The following CACNA1H variants were observed in gnomAD, a reference collection of about 807,000 sequenced individuals.
CACNA1H encodes calcium voltage-gated channel subunit alpha1 H, also known as voltage-dependent T-type calcium channel subunit alpha-1H.
Under a neutral mutation model 192.5 loss-of-function variants are expected in CACNA1H, and 149 were observed. The observed-to-expected ratio is 0.77, with a 90% CI of 0.68 to 0.89. The LOEUF is 0.89. Among genes scored for constraint, CACNA1H ranks in the 40% least tolerant of loss-of-function variants. CACNA1H has a pLI of 0.00. For synonymous variants in CACNA1H, 2,202 were observed against 1,475.2 expected (o/e 1.49, Z -11.29); for missense variants, 4,257 against 3,423.5 (o/e 1.24, Z -6.08).
intron 26 of CACNA1H, 63 bp from the exon 27 acceptor site, chr16:1,213,717 C>G: frequency 7.5e-7 from 1 of 1,338,682 alleles, no homozygotes; most frequent in South Asian, 1.5e-5. Flanking sequence ...AGAATGGAGT[C>G]TGCAGGAGCC....
intron 2 of CACNA1H, among the ~76,000 whole-genome samples, chr16:1,166,392 G>A (rs1298559613): frequency 6.6e-6 from 1 of 152,212 alleles, no homozygotes; most frequent in East Asian, 1.9e-4. Context: ...GCCCTGCAGA[G>A]GAGGCCGCGC....
At chr16:1,200,603 G>C (rs1457359331) in intron 7 of CACNA1H, 32 bp downstream of exon 7, 1 of 1,608,742 alleles carries the variant, frequency 6.2e-7, no homozygotes, top group Admixed American at 1.7e-5. Context: ...CGGGGACCCT[G>C]GGGCACGGCA....
rs8044363 is a variant in CACNA1H at position 1,200,559 on chromosome 16, T to G, written c.1107T>G (p.Ile369Met). ...TCGACAACATCGGCTACGCCTGGATTGCCATCTTCCAGGTGGGCGGCAAGA... is the reference window on the plus strand; with the variant it reads ...TCGACAACATCGGCTACGCCTGGATGGCCATCTTCCAGGTGGGCGGCAAGA... ...INFDNIGYAWIAIFQVITLEG... is the reference protein window; with the variant it reads ...INFDNIGYAWMAIFQVITLEG... The change falls in exon 7 of 35, where the codon ATT (isoleucine) becomes ATG (methionine). Residue 369 changes from isoleucine to methionine, a missense_variant. By Grantham distance (10) the Ile-to-Met change is conservative (BLOSUM62 1). Transcript: ENST00000348261. The G allele has an allele frequency of 6.2e-7, 1 of 1,611,562 alleles. No homozygotes were observed.
Position 1,221,185 on chromosome 16 carries a change from C to A in CACNA1H, c.*191C>A. ...GGAGTAGCTGCCGGGCCCCACGAGC[C>A]TCCGTCCGTTCTGGTTCGGGTTTCT... is the stretch of plus-strand genomic sequence containing the variant. On this transcript the variant is annotated 3_prime_UTR_variant, in exon 35 of 35. Coordinates refer to ENST00000348261, the MANE Select transcript of CACNA1H (RefSeq NM_021098.3). 1.8e-6 allele frequency: 1 copy of A among 547,644 alleles called. No homozygotes were observed. Among genetic ancestry groups the A allele is most frequent in the African/African-American group, 1.9e-5 (1 of 53,212 alleles). 33.9% of individuals were successfully genotyped at this position (547,644 alleles called of 1,614,324 possible).
In CACNA1H at chr16:1,210,313, T is replaced by C. The variant is rs1969275399; in HGVS notation, c.3846-57T>C. ...GGCCAGGGCTGTCCTGCAACCCCCA[T>C]CCACTCTGCCATCCACGCCGCCCCG... On this transcript the variant is annotated intron_variant, in intron 18 of 34. Coordinates refer to ENST00000348261, the MANE Select transcript of CACNA1H (RefSeq NM_021098.3). 9.0e-6 allele frequency: 13 copies of C among 1,445,546 alleles called. 1 individual carries two copies. In the South Asian group the frequency reaches 1.5e-4, roughly 16 times the overall value. 89.5% of individuals were successfully genotyped at this position (1,445,546 alleles called of 1,614,324 possible). A position where few individuals can be genotyped will look rare whatever the true frequency, so the allele number is the denominator to read the frequency against.
At chr16:1,204,570 G>A in intron 10 of CACNA1H, 112 bp downstream of exon 10, 1 of 840,678 alleles carries the variant, frequency 1.2e-6, no homozygotes, top group Non-Finnish European at 1.8e-6. Context: ...GGACGGTCAG[G>A]CAGGGCTCTA....
intron 2 of CACNA1H, among the ~76,000 whole-genome samples, chr16:1,166,029 G>T (rs868328283): frequency 6.6e-6 from 1 of 152,228 alleles, no homozygotes; most frequent in Non-Finnish European, 1.5e-5. Flanking sequence ...TGTTGGCACC[G>T]TAGGGGGACA....
chr16:1,176,523 A>C (rs112669641), intron 2 of CACNA1H, among the ~76,000 whole-genome samples: 1 of 152,186 alleles, frequency 6.6e-6, no homozygotes, highest in Non-Finnish European at 1.5e-5. Context: ...TGGGGCCAGT[A>C]CTTCCCCCCA....
Position 1,207,114 on chromosome 16 carries a change from T to C in CACNA1H, c.2903T>C (p.Phe968Ser). 6.3e-7 allele frequency: 1 copy of C among 1,587,854 alleles called. No individual in the cohort carries two copies. Among genetic ancestry groups the C allele is most frequent in the Non-Finnish European group, 8.6e-7 (1 of 1,166,760 alleles). The change falls in exon 13 of 35, where the codon TTC becomes TCC. Residue 968 changes from phenylalanine to serine, a missense_variant. Physicochemically the swap from Phe to Ser is radical, Grantham distance 155. Transcript: ENST00000348261. ...CTGCTGTGGGCCATCGTCACCGTGT[T>C]CCAGGTAGTGCCCGGGGTCCCCGCA... Reference protein sequence around the residue: ...DSLLWAIVTVFQILTQEDWNV... With the variant: ...DSLLWAIVTVSQILTQEDWNV...
In CACNA1H at chr16:1,211,553, G is replaced by A; in HGVS notation, c.4423G>A (p.Ala1475Thr). 6.2e-7 allele frequency: 1 copy of A among 1,612,164 alleles called. No individual in the cohort carries two copies. Among genetic ancestry groups the A allele is most frequent in the South Asian group, 1.1e-5 (1 of 91,030 alleles). The stretch of plus-strand genomic sequence containing the variant: ...CATCTCCACCAAGGCACAGTGCCGG[G>A]CCGCCCACTACCGCTGGGTGCGACG... ...RNISTKAQCR[A>T]AHYRWVRRKY... The change falls in exon 23 of 35, where the codon GCC (alanine) becomes ACC (threonine). Residue 1475 changes from alanine to threonine, a missense_variant. Transcript: ENST00000348261.
chr16:1,191,093 T>C (rs28495878), intron 2 of CACNA1H, among the ~76,000 whole-genome samples: 60 of 51,508 alleles, frequency 1.2e-3, no homozygotes, highest in African/African-American at 3.6e-3. Flanking sequence ...TCTCTCTGAC[T>C]CAGCAGGCTG....
At position 1,220,159 on chromosome 16, in the gene CACNA1H, AGCGCT is replaced by A; in HGVS notation, c.6231_6235del (p.Cys2078LeufsTer95). 6.6e-7 allele frequency: 1 copy of A among 1,523,806 alleles called. No individual in the cohort carries two copies. The highest frequency in any genetic ancestry group is 8.8e-7 in the Non-Finnish European group (1 of 1,137,370). The allele number at this position is 1,523,806 out of a possible 1,614,324, so 94.4% of individuals were successfully genotyped here. A position where few individuals can be genotyped will look rare whatever the true frequency, so the allele number is the denominator to read the frequency against. On this transcript the variant is annotated frameshift_variant, in exon 35 of 35. Transcript: ENST00000348261. LOFTEE classifies it low-confidence loss of function (END_TRUNC). ...CGCACTCGTAAGCATACCTTCGGACAGCGCTGCGTCTCCAGCCGGCCGGCGGCCCC... is the reference window on the plus strand; with the variant it reads ...CGCACTCGTAAGCATACCTTCGGACAGCGTCTCCAGCCGGCCGGCGGCCCC...
rs550564789 is a variant in CACNA1H, at chr16:1,207,890, C to G, written c.3154+30C>G. 3 of 1,561,972 alleles carry G rather than the reference C, an allele frequency of 1.9e-6. No homozygotes were observed. In the South Asian group the frequency reaches 3.5e-5, roughly 18 times the overall value. On this transcript the variant is annotated intron_variant, in intron 15 of 34. Transcript: ENST00000348261. Reference sequence around the variant, plus strand: ...GTGTGGTCGGTGGGTGGTCCGGGTTCTGGCGGGTGGAGTACGCTGGGCTGG... The same window carrying G: ...GTGTGGTCGGTGGGTGGTCCGGGTTGTGGCGGGTGGAGTACGCTGGGCTGG...
At position 1,204,038 on chromosome 16, in the gene CACNA1H, G is replaced by C; in HGVS notation, c.2031G>C (p.Ser677=). 1.9e-6 allele frequency: 3 copies of C among 1,572,514 alleles called. No individual in the cohort carries two copies. Among genetic ancestry groups the C allele is most frequent in the Admixed American group, 3.6e-5 (2 of 55,150 alleles). ...TGGGCCAGGCCCCTGGCCATCTGTC[G>C]GGCCTCAGTGTGCCCTGCCCCCTGC... ...HGLGQAPGHL[S]GLSVPCPLPS... is the part of the protein sequence containing the mutation. The change falls in exon 10 of 35, where the codon TCG becomes TCC. Residue 677 remains serine (S), a synonymous_variant. Transcript: ENST00000348261.
intron 5 of CACNA1H, among the ~76,000 whole-genome samples, chr16:1,196,324 G>A (rs1212503181): frequency 6.6e-6 from 1 of 152,282 alleles, no homozygotes; most frequent in Non-Finnish European, 1.5e-5. Flanking sequence ...CATGGCATCT[G>A]GGGCAAGGCT....
In CACNA1H at chr16:1,202,336, G is replaced by C; in HGVS notation, c.1886G>C (p.Ser629Thr). 1.3e-6 allele frequency: 2 copies of C among 1,576,312 alleles called. No homozygotes were observed. The highest frequency in any genetic ancestry group is 1.7e-6 in the Non-Finnish European group (2 of 1,163,240). ...GTGGGCAGCGGCAAAGGCAGCACCAGCCCCGGACCCAAGGGGAAGTGGGCC... is the reference window on the plus strand; with the variant it reads ...GTGGGCAGCGGCAAAGGCAGCACCACCCCCGGACCCAAGGGGAAGTGGGCC... The part of the protein sequence containing the change: ...SGVGSGKGST[S>T]PGPKGKWAGG... Residue 629 changes from serine to threonine, a missense_variant, in exon 9 of 35, where the codon AGC (serine) becomes ACC (threonine). Ser to Thr is a moderately conservative substitution (Grantham distance 58). Transcript: ENST00000348261.
At chr16:1,196,068 T>C in intron 5 of CACNA1H, 45 bp downstream of exon 5, 1 of 1,466,864 alleles carries the variant, frequency 6.8e-7, no homozygotes, top group Non-Finnish European at 9.5e-7. Context: ...CAGGCTTGCG[T>C]GTCCGCCAGC....
intron 2 of CACNA1H, chr16:1,157,118 G>A (rs932959232): frequency 3.3e-5 from 5 of 152,214 alleles, no homozygotes; most frequent in Admixed American, 2.0e-4. Context: ...AGCTGCCGCC[G>A]TCCCGGCACA....
chr16:1,202,510 G>C, intron 9 of CACNA1H, 58 bp downstream of exon 9: 6 of 1,399,096 alleles, frequency 4.3e-6, no homozygotes, highest in Non-Finnish European at 5.7e-6. Flanking sequence ...GGGCGGGCAG[G>C]GTCTCCGGTG....
Sources: allele counts gnomAD v4.1 joint callset (sites outside exome capture counted in the v4.1 genomes callset), GRCh38; gene constraint gnomAD v4.1.1; transcripts MANE v1.5; gene names NCBI Gene and HGNC (gene_info 2026-07-23, HGNC 2026-07-21).